MLYCD: variants seen among roughly 807,000 people sequenced by gnomAD.
MLYCD encodes the protein malonyl-CoA decarboxylase, mitochondrial.
MLYCD carries 27 observed loss-of-function variants against 35.8 expected under a neutral mutation model. The observed-to-expected ratio is 0.75, with a 90% CI of 0.56 to 1.04. The LOEUF (loss-of-function observed/expected upper bound fraction) is 1.04. Among genes scored for constraint, MLYCD ranks in the 50% least tolerant of loss-of-function variants. MLYCD has a pLI of 0.00. For synonymous variants in MLYCD, 403 were observed against 302.4 expected (o/e 1.33, Z -3.45); for missense variants, 917 against 665.1 (o/e 1.38, Z -4.17).
chr16:83,914,586 A>T, intron 4 of MLYCD: 1 of 336,714 alleles, frequency 3.0e-6, no homozygotes, highest in Non-Finnish European at 5.8e-6. Flanking sequence ...GGGAGTCAGG[A>T]TGCCTCCAGG....
Position 83,926,429 on chromosome 16 carries a change from C to G in MLYCD, c.*10940C>G, listed in dbSNP as rs952514938. The G allele has an allele frequency of 6.6e-5, 10 of 152,218 alleles. No individual in the cohort carries two copies. The highest frequency in any genetic ancestry group is 5.9e-4 in the Admixed American group (9 of 15,282). The allele number at this position is 152,218 out of a possible 1,614,324, so 9.4% of individuals were successfully genotyped here. Reference sequence around the variant, plus strand: ...CCGAGGGGACGGGCTTGGGCGCTTCCATTCTCACACTGCTGCCGTGACACC... The same window carrying G: ...CCGAGGGGACGGGCTTGGGCGCTTCGATTCTCACACTGCTGCCGTGACACC... On this transcript the variant is annotated 3_prime_UTR_variant, in exon 5 of 5. Transcript: ENST00000262430.
chr16:83,904,853 C>G (rs1476747435), intron 1 of MLYCD, among the ~76,000 whole-genome samples: 1 of 152,220 alleles, frequency 6.6e-6, no homozygotes, highest in Admixed American at 6.5e-5. Flanking sequence ...CCTCTTTACA[C>G]TAAATTGAGT....
chr16:83,899,537 C>A lies in MLYCD; in HGVS notation c.393C>A (p.Tyr131Ter), dbSNP rs560831102. ...VLLQAEDRLRYALVPRYRGLF... is the reference protein window; with the variant it reads ...VLLQAEDRLR ...TGCAGGCCGAGGACCGGCTGCGCTA[C>A]GCGCTGGTGCCGCGCTATCGCGGCC... Residue 131 changes from tyrosine to a stop codon, truncating the protein, a stop_gained, in exon 1 of 5, where the codon TAC becomes TAA. Transcript: ENST00000262430. LOFTEE classifies it high-confidence loss of function. 6.3e-7 allele frequency: 1 copy of A among 1,591,092 alleles called. No homozygotes were observed.
chr16:83,901,517 G>T (rs1024088322), intron 1 of MLYCD, among the ~76,000 whole-genome samples: 2 of 152,178 alleles, frequency 1.3e-5, no homozygotes, highest in Admixed American at 6.5e-5. Flanking sequence ...GACTTGAAAG[G>T]TTTCTGCCCA....
In MLYCD at chr16:83,920,505, T is replaced by TC. The variant is rs752725610; in HGVS notation, c.*5019dup. On this transcript the variant is annotated 3_prime_UTR_variant, in exon 5 of 5. Transcript: ENST00000262430. ...AGGCCTGAGGTTCATTCTCGTTCTC[T>TC]CCCTCTTCCCTTTCCCCTTCCTCCC... 1 of 152,316 alleles carries TC rather than the reference T, an allele frequency of 6.6e-6. No homozygotes were observed. Among genetic ancestry groups the TC allele is most frequent in the African/African-American group, 2.4e-5 (1 of 41,414 alleles). The allele number at this position is 152,316 out of a possible 1,614,324, so 9.4% of individuals were successfully genotyped here.
chr16:83,908,434 C>T lies in MLYCD; in HGVS notation c.798+152C>T, dbSNP rs80138233. On this transcript the variant is annotated intron_variant, in intron 3 of 4. Coordinates refer to ENST00000262430, the MANE Select transcript of MLYCD (RefSeq NM_012213.3). ...TTTTTAAATTGGTTAAATAAAATCT[C>T]CAGATTTGTAGGTGTAGAGCGTAGA... The T allele has an allele frequency of 0.068, 71,883 of 1,062,408 alleles. 3,385 individuals carry two copies. The highest frequency in any genetic ancestry group is 0.082 in the Non-Finnish European group (62,601 of 761,182). 65.8% of individuals were successfully genotyped at this position (1,062,408 alleles called of 1,614,324 possible). A position where few individuals can be genotyped will look rare whatever the true frequency, so the allele number is the denominator to read the frequency against.
rs2151060371 is a variant in MLYCD, at chr16:83,915,671, C to T, written c.*182C>T. 1 of 1,489,610 alleles carries T rather than the reference C, an allele frequency of 6.7e-7. No individual in the cohort carries two copies. Among genetic ancestry groups the T allele is most frequent in the Non-Finnish European group, 8.9e-7 (1 of 1,122,864 alleles). The allele number at this position is 1,489,610 out of a possible 1,614,324, so 92.3% of individuals were successfully genotyped here. A position where few individuals can be genotyped will look rare whatever the true frequency, so the allele number is the denominator to read the frequency against. ...CTTCCCTCACCCTGGGCGTGACATGCACCCAGTGCAAGACGGTTGTGGGTG... is the reference window on the plus strand; with the variant it reads ...CTTCCCTCACCCTGGGCGTGACATGTACCCAGTGCAAGACGGTTGTGGGTG... On this transcript the variant is annotated 3_prime_UTR_variant, in exon 5 of 5. Coordinates refer to ENST00000262430, the MANE Select transcript of MLYCD (RefSeq NM_012213.3).
rs1447433236 is a variant in MLYCD at position 83,918,134 on chromosome 16, A to G, written c.*2645A>G. The G allele has an allele frequency of 6.6e-6, 1 of 152,176 alleles. No homozygotes were observed. Among genetic ancestry groups the G allele is most frequent in the Admixed American group, 6.5e-5 (1 of 15,276 alleles). The allele number at this position is 152,176 out of a possible 1,614,324, so 9.4% of individuals were successfully genotyped here. A position where few individuals can be genotyped will look rare whatever the true frequency, so the allele number is the denominator to read the frequency against. ...CTCCAGCAAGGCGGCTCATCACATC[A>G]CGTTACTCTTTAGGTCAAATGTAAC... On this transcript the variant is annotated 3_prime_UTR_variant, in exon 5 of 5. Coordinates refer to ENST00000262430, the MANE Select transcript of MLYCD (RefSeq NM_012213.3).
chr16:83,916,142 A>C lies in MLYCD; in HGVS notation c.*653A>C, dbSNP rs372689737. The C allele has an allele frequency of 1.3e-5, 13 of 992,816 alleles. No individual in the cohort carries two copies. In the East Asian group the frequency reaches 3.3e-4, roughly 25 times the overall value. 61.5% of individuals were successfully genotyped at this position (992,816 alleles called of 1,614,324 possible). On this transcript the variant is annotated 3_prime_UTR_variant, in exon 5 of 5. Coordinates refer to ENST00000262430, the MANE Select transcript of MLYCD (RefSeq NM_012213.3). ...GATCAGGGATTCAGGTTCATAATGA[A>C]CTTCACAGTAAAGAACACGTTTGTT... is the stretch of plus-strand genomic sequence containing the variant.
chr16:83,901,790 C>T (rs769392928), intron 1 of MLYCD, among the ~76,000 whole-genome samples: 40 of 152,172 alleles, frequency 2.6e-4, no homozygotes, highest in Non-Finnish European at 5.3e-4. Context: ...AGTCCTTAGA[C>T]ATTCACAAGT....
intron 4 of MLYCD, chr16:83,912,702 G>A (rs1907223593): frequency 5.4e-6 from 2 of 369,972 alleles, no homozygotes; most frequent in Non-Finnish European, 1.0e-5. Context: ...TGGTGTAAGT[G>A]TCACTCTGAA....
At chr16:83,909,343 GAA>G (rs1365292819) in intron 3 of MLYCD, among the ~76,000 whole-genome samples, 1 of 152,200 alleles carries the variant, frequency 6.6e-6, no homozygotes, top group Non-Finnish European at 1.5e-5. Flanking sequence ...CATCAGGAGA[GAA>G]TGGGCTCCAG....
intron 1 of MLYCD, among the ~76,000 whole-genome samples, chr16:83,903,955 G>T (rs1004937774): frequency 1.3e-5 from 2 of 152,136 alleles, no homozygotes; most frequent in African/African-American, 4.8e-5. Context: ...ACGTTGCCGC[G>T]TGCTGTGGCT....
At chr16:83,912,002 G>C in intron 3 of MLYCD, 1 of 622,436 alleles carries the variant, frequency 1.6e-6, no homozygotes, top group South Asian at 1.9e-5. Flanking sequence ...ATGCAGTGCT[G>C]AGGACCCCCA....
chr16:83,905,473 C>T (rs957414277), intron 1 of MLYCD, among the ~76,000 whole-genome samples: 2 of 152,116 alleles, frequency 1.3e-5, no homozygotes, highest in African/African-American at 4.8e-5. Context: ...TAGAGGTGGG[C>T]AGCCCAGAGC....
intron 1 of MLYCD, among the ~76,000 whole-genome samples, chr16:83,904,884 C>T (rs1906920621): frequency 6.6e-6 from 1 of 152,194 alleles, no homozygotes; most frequent in South Asian, 2.1e-4. Flanking sequence ...CTGCCCATGA[C>T]TTCCACCAGT....
intron 1 of MLYCD, among the ~76,000 whole-genome samples, chr16:83,904,847 T>C (rs1320269902): frequency 6.6e-6 from 1 of 152,170 alleles, no homozygotes; most frequent in Non-Finnish European, 1.5e-5. Context: ...AAAGTTCCTC[T>C]TTACACTAAA....
rs553897712 is a variant in MLYCD at position 83,921,891 on chromosome 16, T to A, written c.*6402T>A. 2.8e-4 allele frequency: 43 copies of A among 152,362 alleles called. No individual in the cohort carries two copies. The highest frequency in any genetic ancestry group is 1.0e-3 in the African/African-American group (43 of 41,522). 9.4% of individuals were successfully genotyped at this position (152,362 alleles called of 1,614,324 possible). On this transcript the variant is annotated 3_prime_UTR_variant, in exon 5 of 5. Coordinates refer to ENST00000262430, the MANE Select transcript of MLYCD (RefSeq NM_012213.3). ...CTCACTGGGTCCTAGTGTTCTGAAC[T>A]ACACCCTACAGGAAAGTGCTACTCA...
chr16:83,912,089 C>T (rs1312364355), intron 3 of MLYCD, 129 bp from the exon 4 acceptor site: 1 of 1,348,828 alleles, frequency 7.4e-7, no homozygotes, highest in Non-Finnish European at 1.1e-6. Flanking sequence ...TGAACCCCAG[C>T]TGGGGAGCCG....
Sources: allele counts gnomAD v4.1 joint callset (sites outside exome capture counted in the v4.1 genomes callset), GRCh38; gene constraint gnomAD v4.1.1; transcripts MANE v1.5; gene names NCBI Gene and HGNC (gene_info 2026-07-23, HGNC 2026-07-21).